Variants in STK4 observed in about 807,000 individuals in gnomAD.
The protein encoded by STK4 is serine/threonine-protein kinase 4.
STK4 carries 30 observed loss-of-function variants against 64.9 expected under a neutral mutation model. The observed-to-expected ratio is 0.46, with a 90% CI of 0.35 to 0.63. The LOEUF is 0.63. Among genes scored for constraint, STK4 ranks in the 20% least tolerant of loss-of-function variants. The pLI, the probability that STK4 is intolerant of heterozygous loss-of-function variation, is 0.01. For synonymous variants in STK4, 177 were observed against 199.0 expected, an observed-to-expected ratio of 0.89 and a Z score of 0.93; for missense variants, 466 against 598.5, an observed-to-expected ratio of 0.78 and a Z score of 2.31.
chr20:44,999,747 C>T (rs1463879535), intron 7 of STK4, among the ~76,000 whole-genome samples: 1 of 152,122 alleles, frequency 6.6e-6, no homozygotes, highest in African/African-American at 2.4e-5. Context: ...GCAGCAACTG[C>T]ATTTTTGCAC....
chr20:44,969,009 A>G (rs189636988), intron 1 of STK4, among the ~76,000 whole-genome samples: 1 of 152,226 alleles, frequency 6.6e-6, no homozygotes, highest in Admixed American at 6.5e-5. Flanking sequence ...TGACTCGTAG[A>G]TGGCCATCTC....
intron 5 of STK4, among the ~76,000 whole-genome samples, chr20:44,989,620 G>T (rs575181733): frequency 6.6e-6 from 1 of 151,936 alleles, no homozygotes; most frequent in East Asian, 1.9e-4. Context: ...TTTTTCTTTT[G>T]TTGCTTGTGC....
intron 2 of STK4, chr20:44,975,424 T>C (rs1325722141): frequency 4.1e-6 from 4 of 972,686 alleles, no homozygotes; most frequent in Non-Finnish European, 4.9e-6. Flanking sequence ...TGAAGAGTGT[T>C]CTGGTCAAGA....
intron 10 of STK4, among the ~76,000 whole-genome samples, chr20:45,054,131 T>C (rs1978313661): frequency 6.6e-6 from 1 of 152,180 alleles, no homozygotes; most frequent in South Asian, 2.1e-4. Flanking sequence ...GACTAAATCG[T>C]GGGTTCTCTG....
In STK4 at chr20:45,045,173, T is replaced by C. The variant is rs561935605; in HGVS notation, c.1305+20043T>C. On this transcript the variant is annotated intron_variant, in intron 10 of 10. Transcript: ENST00000372806. Reference sequence around the variant, plus strand: ...GTATGACTCCGTTTGCTGATGATAGTAACATTATCACTTTAGATCTAGGTA... The same window carrying C: ...GTATGACTCCGTTTGCTGATGATAGCAACATTATCACTTTAGATCTAGGTA... 4.6e-5 allele frequency among the ~76,000 whole-genome samples: 7 copies of C among 152,370 alleles called. No individual in the cohort carries two copies. In the East Asian group the frequency reaches 1.3e-3, roughly 29 times the overall value.
intron 10 of STK4, among the ~76,000 whole-genome samples, chr20:45,051,256 G>A (rs2068772631): frequency 6.6e-6 from 1 of 152,126 alleles, no homozygotes; most frequent in South Asian, 2.1e-4. Context: ...TAACCAAAAG[G>A]CCTTTAGTGC....
chr20:45,030,277 T>C (rs2068421010), intron 10 of STK4, among the ~76,000 whole-genome samples: 1 of 152,122 alleles, frequency 6.6e-6, no homozygotes, highest in African/African-American at 2.4e-5. Flanking sequence ...AGCTAATTTT[T>C]GTATTTTTAG....
chr20:45,042,224 T>C (rs931746758), intron 10 of STK4, among the ~76,000 whole-genome samples: 1 of 152,228 alleles, frequency 6.6e-6, no homozygotes, highest in African/African-American at 2.4e-5. Context: ...ACTCTTCTTT[T>C]GAGCTGTTGA....
chr20:45,068,868 C>A (rs539705522), intron 10 of STK4, among the ~76,000 whole-genome samples: 1 of 152,294 alleles, frequency 6.6e-6, no homozygotes, highest in African/African-American at 2.4e-5. Context: ...TCTTCCATAT[C>A]TATGTGTAGA....
chr20:45,030,394 G>A (rs995854746), intron 10 of STK4, among the ~76,000 whole-genome samples: 8 of 152,130 alleles, frequency 5.3e-5, no homozygotes, highest in East Asian at 3.9e-4. Flanking sequence ...GTGAGCCACC[G>A]GGCCCAGCCT....
intron 9 of STK4, among the ~76,000 whole-genome samples, chr20:45,006,813 T>G (rs1437228465): frequency 6.6e-6 from 1 of 152,218 alleles, no homozygotes; most frequent in Non-Finnish European, 1.5e-5. Context: ...TTCTGGGCAG[T>G]ATTGTCCTGG....
intron 1 of STK4, 105 bp from the exon 2 acceptor site, chr20:44,971,973 G>A (rs2067255633): frequency 9.2e-7 from 1 of 1,083,860 alleles, no homozygotes; most frequent in African/African-American, 1.6e-5. Flanking sequence ...AGTGAAGTCT[G>A]TATAGAGAAG....
intron 10 of STK4, among the ~76,000 whole-genome samples, chr20:45,036,834 C>G (rs1022604373): frequency 2.6e-5 from 4 of 152,046 alleles, no homozygotes; most frequent in Non-Finnish European, 5.9e-5. Flanking sequence ...CGTTACCATC[C>G]ACAGTTTCAG....
At chr20:45,036,510 C>T (rs150426631) in intron 10 of STK4, among the ~76,000 whole-genome samples, 70 of 152,088 alleles carry the variant, frequency 4.6e-4, no homozygotes, top group Middle Eastern at 3.4e-3. Context: ...CCCCAGCGTG[C>T]GAGAGTAGCG....
At chr20:45,026,923 G>A (rs2068358569) in intron 10 of STK4, among the ~76,000 whole-genome samples, 2 of 152,208 alleles carry the variant, frequency 1.3e-5, no homozygotes, top group Admixed American at 6.5e-5. Context: ...GTAGACTTAC[G>A]AAATTTGAAT....
chr20:45,039,158 T>C (rs1025883013), intron 10 of STK4, among the ~76,000 whole-genome samples: 2 of 152,116 alleles, frequency 1.3e-5, no homozygotes, highest in Non-Finnish European at 2.9e-5. Flanking sequence ...TTCATGAAAT[T>C]TTCTTACTCT....
At chr20:44,981,997 TTTCTC>T (rs1158927682) in intron 4 of STK4, 54 bp downstream of exon 4, 1 of 1,219,784 alleles carries the variant, frequency 8.2e-7, no homozygotes, top group African/African-American at 1.5e-5. Context: ...GCCATCTTCT[TTTCTC>T]TGCCTCTTTT....
At chr20:45,011,729 ATTTTTTTTTTTT>A (rs869113711) in intron 9 of STK4, among the ~76,000 whole-genome samples, 1 of 115,400 alleles carries the variant, frequency 8.7e-6, no homozygotes, top group African/African-American at 3.6e-5. Context: ...ATATATATAT[ATTTTTTTTTTTT>A]TTTTTAAGTC....
At chr20:45,012,003 A>C in intron 9 of STK4, among the ~76,000 whole-genome samples, 1 of 149,962 alleles carries the variant, frequency 6.7e-6, no homozygotes, top group African/African-American at 2.5e-5. Flanking sequence ...ATCACAGATT[A>C]CTTCTTGAAA....
Sources: gnomAD v4.1 joint callset for allele counts (sites outside exome capture counted in the v4.1 genomes callset) on GRCh38, gnomAD v4.1.1 for gene constraint, MANE v1.5 for transcripts, NCBI Gene and HGNC (gene_info 2026-07-23, HGNC 2026-07-21) for gene names.